DISP1: variants seen among roughly 807,000 people sequenced by gnomAD.
DISP1 encodes the protein protein dispatched homolog 1.
In DISP1, 30 loss-of-function variants were observed where a neutral mutation model predicts 37.3. That is an observed-to-expected ratio of 0.80 (90% CI 0.60 to 1.09). The LOEUF (loss-of-function observed/expected upper bound fraction) is 1.09. Ranked by LOEUF, DISP1 falls within the 50% of genes least tolerant of loss-of-function variation. The probability of loss-of-function intolerance (pLI) is 0.00; values close to 1 mark genes in which losing one functional copy is unlikely to be tolerated. For synonymous variants in DISP1, 634 were observed against 690.2 expected, an observed-to-expected ratio of 0.92 and a Z score of 1.28; for missense variants, 1,598 against 1,879.5, an observed-to-expected ratio of 0.85 and a Z score of 2.77.
chr1:222,940,467 G>A (rs34701716), intron 2 of DISP1, among the ~76,000 whole-genome samples: 2 of 152,164 alleles, frequency 1.3e-5, no homozygotes, highest in East Asian at 1.9e-4. Context: ...ATTACAGTTC[G>A]ACATGAGATT....
chr1:222,929,901 A>G (rs1041326234), intron 2 of DISP1, among the ~76,000 whole-genome samples: 1 of 152,108 alleles, frequency 6.6e-6, no homozygotes, highest in African/African-American at 2.4e-5. Context: ...TGTATCTTCT[A>G]TGCTTCATAT....
At chr1:222,868,381 A>G (rs1669324772) in intron 1 of DISP1, among the ~76,000 whole-genome samples, 1 of 152,098 alleles carries the variant, frequency 6.6e-6, no homozygotes, top group Admixed American at 6.6e-5. Flanking sequence ...ATATATGTAT[A>G]TGTTTATAGA....
In DISP1 at chr1:223,003,553, A is replaced by C. The variant is rs1446205358; in HGVS notation, c.2156A>C (p.Tyr719Ser). ...CCATGCATTGTCATTAAGTTTCGCT[A>C]CCTTTGGCTGTTTTGGTTCCTTGCC... ...VLPCIVIKFR[Y>S]LWLFWFLALT... The change falls in exon 9 of 9, where the codon TAC (tyrosine) becomes TCC (serine). Residue 719 changes from tyrosine (Y) to serine (S), a missense_variant. By Grantham distance (144) the Tyr-to-Ser change is moderately radical. Transcript: ENST00000675850. The surrounding 1 kb of genome is among the most constrained non-coding windows in gnomAD (Gnocchi z 4.3). 1 of 1,614,162 alleles carries C rather than the reference A, an allele frequency of 6.2e-7. No homozygotes were observed. The highest frequency in any genetic ancestry group is 1.7e-5 in the Admixed American group (1 of 60,024).
intron 1 of DISP1, among the ~76,000 whole-genome samples, chr1:222,856,242 G>A (rs1462494951): frequency 6.6e-6 from 1 of 152,186 alleles, no homozygotes; most frequent in Non-Finnish European, 1.5e-5. Context: ...TCAGCAAATA[G>A]CACAGCTGCA....
In DISP1 at chr1:222,951,367, A is replaced by C. The variant is rs199889096; in HGVS notation, c.509+8035A>C. Among the ~76,000 whole-genome samples the C allele has an allele frequency of 1.7e-4, 8 of 46,074 alleles. No individual in the cohort carries two copies. The African/African-American group carries it at 1.8e-3, about 10-fold the overall frequency. The allele number at this position is 46,074 out of a possible 152,430, so 30.2% of individuals were successfully genotyped here. On this transcript the variant is annotated intron_variant, in intron 3 of 8. Transcript: ENST00000675850. ...TCTATGAAGGGGCCTCTTTTAAAAC[A>C]AAAAAAAAAAAGTAAGAAATGAGAA...
intron 8 of DISP1, among the ~76,000 whole-genome samples, chr1:222,997,215 A>G (rs1679139843): frequency 1.3e-5 from 2 of 152,106 alleles, no homozygotes; most frequent in South Asian, 4.1e-4. Context: ...GAAAATAATA[A>G]AGCTAAGGAT....
chr1:222,856,741 G>C (rs1434893007), intron 1 of DISP1, among the ~76,000 whole-genome samples: 2 of 135,476 alleles, frequency 1.5e-5, no homozygotes, highest in African/African-American at 5.6e-5. Flanking sequence ...GTCTCACTCT[G>C]TCACTCAGGC....
intron 3 of DISP1, among the ~76,000 whole-genome samples, chr1:222,976,496 A>G (rs965214246): frequency 6.6e-6 from 1 of 152,120 alleles, no homozygotes. Context: ...GTCCATTTGT[A>G]TAGAAACTTC....
intron 3 of DISP1, among the ~76,000 whole-genome samples, chr1:222,963,216 A>G (rs1252617993): frequency 6.6e-6 from 1 of 152,170 alleles, no homozygotes; most frequent in African/African-American, 2.4e-5. Flanking sequence ...ATCAAAACCA[A>G]AATGAGATAC....
At chr1:222,951,790 G>A (rs1428330989) in intron 3 of DISP1, among the ~76,000 whole-genome samples, 1 of 152,164 alleles carries the variant, frequency 6.6e-6, no homozygotes, top group African/African-American at 2.4e-5. Flanking sequence ...GAAGTAGAGT[G>A]GACAAGACAA....
At chr1:222,874,085 A>G (rs1334137103) in intron 1 of DISP1, among the ~76,000 whole-genome samples, 3 of 152,232 alleles carry the variant, frequency 2.0e-5, no homozygotes, top group African/African-American at 7.2e-5. Flanking sequence ...TTTCTTTAAG[A>G]ATGTTGAATA....
At chr1:222,896,023 G>A (rs113037455) in intron 1 of DISP1, among the ~76,000 whole-genome samples, 2,406 of 152,258 alleles carry the variant, frequency 0.016, 65 homozygotes, top group African/African-American at 0.055. Flanking sequence ...ATGAAAAAGC[G>A]AGGCTACAAG....
At chr1:223,000,897 AT>A (rs988568091) in intron 8 of DISP1, among the ~76,000 whole-genome samples, 1 of 152,154 alleles carries the variant, frequency 6.6e-6, no homozygotes, top group Non-Finnish European at 1.5e-5. Context: ...GAAAAAAAAA[AT>A]ATTCACTTCC....
intron 7 of DISP1, among the ~76,000 whole-genome samples, chr1:222,994,139 A>G (rs1248612228): frequency 6.6e-6 from 1 of 152,148 alleles, no homozygotes; most frequent in African/African-American, 2.4e-5. Flanking sequence ...TCTCACAGCT[A>G]TTTGAGATAG....
intron 4 of DISP1, among the ~76,000 whole-genome samples, chr1:222,986,806 C>T (rs761013930): frequency 4.6e-5 from 7 of 152,078 alleles, no homozygotes; most frequent in Non-Finnish European, 4.4e-5. Context: ...GTAGGGCCTC[C>T]GGGAAAAGGG....
intron 3 of DISP1, among the ~76,000 whole-genome samples, chr1:222,971,756 T>A (rs1676974764): frequency 6.6e-6 from 1 of 152,142 alleles, no homozygotes; most frequent in Admixed American, 6.5e-5. Context: ...AATACATAAT[T>A]TGAACTTACT....
intron 1 of DISP1, among the ~76,000 whole-genome samples, chr1:222,867,621 C>A (rs1040078547): frequency 6.6e-6 from 1 of 152,072 alleles, no homozygotes; most frequent in African/African-American, 2.4e-5. Context: ...GTACCTAGTG[C>A]AAGCAATTTA....
Position 222,946,383 on chromosome 1 carries a change from CAA to C in DISP1, c.509+3070_509+3071del, listed in dbSNP as rs71178514. Among the ~76,000 whole-genome samples, 118 of 85,364 alleles carry C rather than the reference CAA, an allele frequency of 1.4e-3. 1 individual carries two copies. The highest frequency in any genetic ancestry group is 2.5e-3 in the African/African-American group (55 of 21,980). 56.0% of individuals were successfully genotyped at this position (85,364 alleles called of 152,430 possible). ...TGGGCGACAAAGTGAGACTCCATCT[CAA>C]AAAAAAAAAAAAAAAAAAGAATTTG... On this transcript the variant is annotated intron_variant, in intron 3 of 8. Transcript: ENST00000675850.
Position 223,002,449 on chromosome 1 carries a change from G to C in DISP1, c.1052G>C (p.Ser351Thr). Residue 351 changes from serine to threonine, a missense_variant, in exon 9 of 9, where the codon AGC becomes ACC. By Grantham distance (58) the Ser-to-Thr change is moderately conservative. Transcript: ENST00000675850. ...ACCACTGCTGCCTCCTGCTGCCCCA[G>C]CTGGACACTGGGAAACTACATCGCC... ...QRTTAASCCP[S>T]WTLGNYIAIL... 1.2e-6 allele frequency: 2 copies of C among 1,614,052 alleles called. No individual in the cohort carries two copies. Among genetic ancestry groups the C allele is most frequent in the South Asian group, 1.1e-5 (1 of 91,064 alleles).
Sources: allele counts gnomAD v4.1 joint callset (sites outside exome capture counted in the v4.1 genomes callset), GRCh38; gene constraint gnomAD v4.1.1; non-coding constraint Gnocchi (gnomAD v3.1); transcripts MANE v1.5; gene names NCBI Gene and HGNC (gene_info 2026-07-23, HGNC 2026-07-21).